OSBPL10: variants seen among roughly 807,000 people sequenced by gnomAD.
The protein encoded by OSBPL10 is oxysterol-binding protein-related protein 10.
OSBPL10 carries 49 observed loss-of-function variants against 81.7 expected under a neutral mutation model. The observed-to-expected ratio is 0.60, with a 90% CI of 0.48 to 0.76. The LOEUF (loss-of-function observed/expected upper bound fraction) is 0.76, where lower values mean the gene tolerates loss of function less well. Ranked by LOEUF, OSBPL10 falls within the 30% of genes least tolerant of loss-of-function variation. The probability of loss-of-function intolerance (pLI) is 0.00; values close to 1 mark genes in which losing one functional copy is unlikely to be tolerated. For missense variants in OSBPL10, 923 were observed against 987.8 expected (o/e 0.93, Z 0.88); for synonymous variants, 419 against 383.6 (o/e 1.09, Z -1.08).
chr3:31,910,461 C>T (rs1450429766), intron 1 of OSBPL10, among the ~76,000 whole-genome samples: 3 of 151,830 alleles, frequency 2.0e-5, no homozygotes, highest in African/African-American at 4.8e-5. Flanking sequence ...ATGGTGAAAC[C>T]CTGTCTCTAC....
intron 4 of OSBPL10, among the ~76,000 whole-genome samples, chr3:31,823,244 T>A (rs921570916): frequency 6.6e-6 from 1 of 152,208 alleles, no homozygotes; most frequent in Non-Finnish European, 1.5e-5. Context: ...AATACCTCCA[T>A]ATGCCATTTT....
At position 31,684,903 on chromosome 3, in the gene OSBPL10, A is replaced by T. The variant is rs796388671; in HGVS notation, c.1246-789T>A. ...CAGAGTGGCTACCCCTAGGTTTGTTATTGGCACCATGATTGAAGACAGAGA... is the reference window on the plus strand; with the variant it reads ...CAGAGTGGCTACCCCTAGGTTTGTTTTTGGCACCATGATTGAAGACAGAGA... On this transcript the variant is annotated intron_variant, in intron 7 of 11. Transcript: ENST00000396556. Among the ~76,000 whole-genome samples, 75 of 152,190 alleles carry T rather than the reference A, an allele frequency of 4.9e-4. 1 individual carries two copies. The highest frequency in any genetic ancestry group is 1.7e-3 in the African/African-American group (71 of 41,556).
intron 2 of OSBPL10, 119 bp from the exon 3 acceptor site, chr3:31,876,631 G>A (rs1189829762): frequency 6.5e-6 from 5 of 769,784 alleles, no homozygotes; most frequent in Non-Finnish European, 1.1e-5. Flanking sequence ...TAGCAAGAAG[G>A]TGGGGAAGCA....
intron 3 of OSBPL10, among the ~76,000 whole-genome samples, chr3:31,841,030 T>C (rs1193151059): frequency 1.3e-5 from 2 of 152,182 alleles, no homozygotes; most frequent in Non-Finnish European, 2.9e-5. Flanking sequence ...TGCCTCAGCC[T>C]CCCCTGTAGC....
chr3:31,878,262 G>C (rs1217023456), intron 2 of OSBPL10, among the ~76,000 whole-genome samples: 1 of 152,148 alleles, frequency 6.6e-6, no homozygotes, highest in African/African-American at 2.4e-5. Flanking sequence ...TCTTTTGTAT[G>C]GGTTTGTATC....
intron 1 of OSBPL10, among the ~76,000 whole-genome samples, chr3:31,954,183 C>T (rs1697946629): frequency 6.6e-6 from 1 of 152,192 alleles, no homozygotes; most frequent in African/African-American, 2.4e-5. Flanking sequence ...TTCCCATTAA[C>T]ACCAGTCCCA....
intron 8 of OSBPL10, among the ~76,000 whole-genome samples, chr3:31,673,630 G>A (rs566923468): frequency 6.6e-6 from 1 of 152,214 alleles, no homozygotes; most frequent in South Asian, 2.1e-4. Flanking sequence ...CAGCACTAAT[G>A]GGCTACAGAT....
rs146734145 is a variant in OSBPL10 at position 31,665,319 on chromosome 3, C to T, written c.2097-1087G>A. 8.6e-4 allele frequency among the ~76,000 whole-genome samples: 131 copies of T among 152,316 alleles called. 1 individual carries two copies. Among genetic ancestry groups the T allele is most frequent in the Middle Eastern group, 6.8e-3 (2 of 294 alleles). ...TCACAGACAAGGAACTGTCCGAATGCCAGGTGGTGGAGATTCCCTCCCTGG... is the reference window on the plus strand; with the variant it reads ...TCACAGACAAGGAACTGTCCGAATGTCAGGTGGTGGAGATTCCCTCCCTGG... On this transcript the variant is annotated intron_variant, in intron 10 of 11. Coordinates refer to ENST00000396556, the MANE Select transcript of OSBPL10 (RefSeq NM_017784.5).
chr3:31,990,462 GACCTTCCATCACAATTCA>G, intron 2 of OSBPL10: 1 of 1,567,294 alleles, frequency 6.4e-7, no homozygotes, highest in South Asian at 1.2e-5. Flanking sequence ...AGTGTGGCAA[GACCTTCCATCACAATTCA>G]GCCCTTGTAA....
intron 7 of OSBPL10, among the ~76,000 whole-genome samples, chr3:31,696,893 A>G (rs533041576): frequency 2.6e-5 from 4 of 152,312 alleles, no homozygotes; most frequent in African/African-American, 9.6e-5. Context: ...TAGTGGATGG[A>G]TATCTCAGAC....
rs767638797 is a variant in OSBPL10 at position 31,733,074 on chromosome 3, A to G, written c.1095+183T>C. On this transcript the variant is annotated intron_variant, in intron 6 of 11. Transcript: ENST00000396556. ...ACAATTCACCCACAGCAGCTGCCAG[A>G]CACAAGAACATGAGAAGTGCCGGGC... 7.7e-5 allele frequency: 56 copies of G among 727,690 alleles called. 1 individual carries two copies. The highest frequency in any genetic ancestry group is 1.1e-4 in the Non-Finnish European group (52 of 453,442). 45.1% of individuals were successfully genotyped at this position (727,690 alleles called of 1,614,324 possible). A position where few individuals can be genotyped will look rare whatever the true frequency, so the allele number is the denominator to read the frequency against.
intron 4 of OSBPL10, among the ~76,000 whole-genome samples, chr3:31,815,126 C>T (rs1488153261): frequency 6.6e-6 from 1 of 150,938 alleles, no homozygotes; most frequent in Non-Finnish European, 1.5e-5. Context: ...GGCCCTGAGA[C>T]CACATGAACA....
intron 1 of OSBPL10, among the ~76,000 whole-genome samples, chr3:31,933,559 C>A (rs1312577894): frequency 6.6e-6 from 1 of 151,992 alleles, no homozygotes; most frequent in African/African-American, 2.4e-5. Context: ...TACACACCAC[C>A]ACATTCCCCT....
intron 1 of OSBPL10, among the ~76,000 whole-genome samples, chr3:32,057,749 AAGCCTAACCATATCACTAC>A (rs1370447443): frequency 6.6e-6 from 1 of 152,220 alleles, no homozygotes; most frequent in Non-Finnish European, 1.5e-5. Flanking sequence ...GTGAGGACAC[AAGCCTAACCATATCACTAC>A]TCTGGATTGT....
chr3:31,935,557 CTT>C (rs1697361552), intron 1 of OSBPL10, among the ~76,000 whole-genome samples: 2 of 149,016 alleles, frequency 1.3e-5, no homozygotes. Context: ...GAGTCTCACT[CTT>C]TTCGCCCAGG....
chr3:31,712,613 C>A (rs750403798), intron 6 of OSBPL10, among the ~76,000 whole-genome samples: 9 of 152,216 alleles, frequency 5.9e-5, no homozygotes, highest in Admixed American at 1.3e-4. Context: ...GAAACAAATT[C>A]TTTCCTAGGG....
At chr3:31,947,272 C>G (rs1697728503) in intron 1 of OSBPL10, among the ~76,000 whole-genome samples, 1 of 152,086 alleles carries the variant, frequency 6.6e-6, no homozygotes, top group Admixed American at 6.5e-5. Flanking sequence ...AGCTCTGGAT[C>G]TAGGCACGAA....
chr3:31,663,361 T>C (rs1700112732), intron 11 of OSBPL10: 10 of 985,830 alleles, frequency 1.0e-5, no homozygotes, highest in Non-Finnish European at 1.1e-5. Flanking sequence ...CTGCTCTTCA[T>C]TGATGTTGCT....
chr3:31,820,457 C>T (rs1272279556), intron 4 of OSBPL10, among the ~76,000 whole-genome samples: 1 of 151,716 alleles, frequency 6.6e-6, no homozygotes, highest in Non-Finnish European at 1.5e-5. Context: ...TAGCCGGGTG[C>T]CGTGACGCAT....
Sources: gnomAD v4.1 joint callset for allele counts (sites outside exome capture counted in the v4.1 genomes callset) on GRCh38, gnomAD v4.1.1 for gene constraint, MANE v1.5 for transcripts, NCBI Gene and HGNC (gene_info 2026-07-23, HGNC 2026-07-21) for gene names.